SRGAP1: variants seen among roughly 807,000 people sequenced by gnomAD.
The protein encoded by SRGAP1 is SLIT-ROBO Rho GTPase-activating protein 1.
Under a neutral mutation model 121.9 loss-of-function variants are expected in SRGAP1, and 43 were observed. The ratio of observed to expected loss-of-function variants is 0.35; its 90% CI spans 0.28 to 0.46. The LOEUF is 0.46. SRGAP1 is among the 20% of genes least tolerant of loss of function. SRGAP1 has a pLI of 1.00. For synonymous variants in SRGAP1, 447 were observed against 485.4 expected (o/e 0.92, Z 1.04); for missense variants, 1,102 against 1,350.9 (o/e 0.82, Z 2.89).
intron 8 of SRGAP1, among the ~76,000 whole-genome samples, chr12:64,078,646 GT>G (rs1351621693): frequency 6.6e-6 from 1 of 152,168 alleles, no homozygotes; most frequent in African/African-American, 2.4e-5. Context: ...AATTGAAAAT[GT>G]TAAGACAAAA....
rs1301898825 is a variant in SRGAP1, at chr12:64,158,649, GTAGTCCCAGC to G, written c.*15980_*15989del. 2 of 152,020 alleles carry G rather than the reference GTAGTCCCAGC, an allele frequency of 1.3e-5. No homozygotes were observed. Among genetic ancestry groups the G allele is most frequent in the Non-Finnish European group, 2.9e-5 (2 of 68,046 alleles). The allele number at this position is 152,020 out of a possible 1,614,324, so 9.4% of individuals were successfully genotyped here. A position where few individuals can be genotyped will look rare whatever the true frequency, so the allele number is the denominator to read the frequency against. ...TAGCCGGGCATGGTGGCGTGCACCT[GTAGTCCCAGC>G]TACTCGGGAGGCTGAGGCAGAAGTA... On this transcript the variant is annotated 3_prime_UTR_variant, in exon 22 of 22. Transcript: ENST00000355086.
chr12:63,990,056 C>T lies in SRGAP1; in HGVS notation c.410C>T (p.Thr137Ile), dbSNP rs2033511881. 22 of 1,607,066 alleles carry T rather than the reference C, an allele frequency of 1.4e-5. No individual in the cohort carries two copies. Among genetic ancestry groups the T allele is most frequent in the Non-Finnish European group, 1.8e-5 (21 of 1,177,540 alleles). ...MRFMQISEDS[T>I]RMFKKSKEIA... ...TTCATGCAGATAAGTGAGGATTCTA[C>T]CAGGATGTTTAAAAAGGTACACTCC... The change falls in exon 3 of 22, where the codon ACC (threonine) becomes ATC (isoleucine). Residue 137 changes from threonine to isoleucine, a missense_variant. This residue lies in a region of SRGAP1 where 747 missense variants were observed against 929.4 expected (regional missense o/e 0.80). Coordinates refer to ENST00000355086, the MANE Select transcript of SRGAP1 (RefSeq NM_020762.4).
At chr12:64,005,308 A>G (rs889849853) in intron 3 of SRGAP1, among the ~76,000 whole-genome samples, 2 of 152,242 alleles carry the variant, frequency 1.3e-5, no homozygotes, top group Non-Finnish European at 2.9e-5. Flanking sequence ...ACATAGAACC[A>G]TAATTGGCTA....
intron 1 of SRGAP1, among the ~76,000 whole-genome samples, chr12:63,906,969 C>A (rs1161000694): frequency 6.6e-6 from 1 of 151,756 alleles, no homozygotes; most frequent in Non-Finnish European, 1.5e-5. Context: ...TTTTGAGGAA[C>A]TGCCAAACTA....
At chr12:63,958,966 G>A (rs893686728) in intron 1 of SRGAP1, among the ~76,000 whole-genome samples, 2 of 152,118 alleles carry the variant, frequency 1.3e-5, no homozygotes, top group Admixed American at 1.3e-4. Context: ...TCTTGCTCCA[G>A]GGAGGTAATA....
At chr12:63,877,916 A>G (rs1900080222) in intron 1 of SRGAP1, among the ~76,000 whole-genome samples, 1 of 152,238 alleles carries the variant, frequency 6.6e-6, no homozygotes, top group Non-Finnish European at 1.5e-5. Context: ...GCCAATGATG[A>G]TTGCACACAC....
chr12:63,932,017 T>C (rs1669378471), intron 1 of SRGAP1, among the ~76,000 whole-genome samples: 2 of 152,218 alleles, frequency 1.3e-5, no homozygotes, highest in Non-Finnish European at 2.9e-5. Context: ...ATTATCTACC[T>C]GTCCATGTGA....
At chr12:63,916,163 G>T (rs981137384) in intron 1 of SRGAP1, among the ~76,000 whole-genome samples, 3 of 151,178 alleles carry the variant, frequency 2.0e-5, no homozygotes, top group African/African-American at 7.3e-5. Context: ...CTCTCGAGTA[G>T]CTGGGACCAC....
intron 1 of SRGAP1, among the ~76,000 whole-genome samples, chr12:63,953,965 A>G (rs866803742): frequency 1.2e-4 from 19 of 152,298 alleles, no homozygotes; most frequent in Middle Eastern, 3.4e-3. Flanking sequence ...TTCACCGTCA[A>G]TCTTTTTTTG....
chr12:63,881,464 G>T (rs77107366), intron 1 of SRGAP1, among the ~76,000 whole-genome samples: 109 of 152,310 alleles, frequency 7.2e-4, no homozygotes, highest in African/African-American at 2.5e-3. Flanking sequence ...ATAGCATACT[G>T]ACTAAATAGT....
chr12:64,071,413 G>A (rs1216823035), intron 8 of SRGAP1, among the ~76,000 whole-genome samples: 2 of 152,362 alleles, frequency 1.3e-5, no homozygotes, highest in South Asian at 2.1e-4. Flanking sequence ...TGTTCATTCA[G>A]TGAACTTTTT....
At chr12:64,002,676 G>C (rs996917553) in intron 3 of SRGAP1, among the ~76,000 whole-genome samples, 1 of 152,166 alleles carries the variant, frequency 6.6e-6, no homozygotes, top group East Asian at 1.9e-4. Context: ...GTGAGTTCTA[G>C]AGAGGCCACT....
chr12:63,947,492 A>G (rs1183439684), intron 1 of SRGAP1, among the ~76,000 whole-genome samples: 1 of 152,204 alleles, frequency 6.6e-6, no homozygotes, highest in Non-Finnish European at 1.5e-5. Context: ...GTGTTACGAA[A>G]TGGTTTAATT....
intron 8 of SRGAP1, among the ~76,000 whole-genome samples, chr12:64,072,398 G>T (rs987797761): frequency 6.6e-6 from 1 of 151,974 alleles, no homozygotes; most frequent in Non-Finnish European, 1.5e-5. Context: ...ATTTGTGTCC[G>T]CCCTGAAAAT....
intron 1 of SRGAP1, among the ~76,000 whole-genome samples, chr12:63,880,202 C>T (rs111561819): frequency 0.011 from 1,714 of 152,210 alleles, 12 homozygotes; most frequent in Non-Finnish European, 0.018. Context: ...GTGAAGCCTC[C>T]CCAGCCATGT....
chr12:63,902,145 T>A (rs2136307635), intron 1 of SRGAP1, among the ~76,000 whole-genome samples: 1 of 152,282 alleles, frequency 6.6e-6, no homozygotes, highest in South Asian at 2.1e-4. Context: ...TGAAACCCCA[T>A]CGCTATTAAA....
rs1555243845 is a variant in SRGAP1, at chr12:63,949,087, C to CCATATATATACATT, written c.68-34853_68-34852insATACATTCATATAT. Among the ~76,000 whole-genome samples the CCATATATATACATT allele has an allele frequency of 5.9e-3, 538 of 90,620 alleles. 4 individuals carry two copies. Among genetic ancestry groups the CCATATATATACATT allele is most frequent in the East Asian group, 0.011 (25 of 2,246 alleles). 59.5% of individuals were successfully genotyped at this position (90,620 alleles called of 152,430 possible). A position where few individuals can be genotyped will look rare whatever the true frequency, so the allele number is the denominator to read the frequency against. On this transcript the variant is annotated intron_variant, in intron 1 of 21. Transcript: ENST00000355086. ...TATGTATTTTCCATATATGTATTTT[C>CCATATATATACATT]CATATATGTATTTTCCATATATATA...
intron 3 of SRGAP1, among the ~76,000 whole-genome samples, chr12:64,008,683 A>T (rs1264599974): frequency 6.6e-6 from 1 of 152,162 alleles, no homozygotes; most frequent in Non-Finnish European, 1.5e-5. Context: ...TTTCCTAAAC[A>T]CATAGGAGAC....
chr12:64,126,212 T>C, intron 19 of SRGAP1, 55 bp downstream of exon 19: 2 of 1,569,258 alleles, frequency 1.3e-6, no homozygotes, highest in Non-Finnish European at 1.7e-6. Flanking sequence ...ACTCCAGCCA[T>C]TGTTCTTAAA....
Sources: allele counts gnomAD v4.1 joint callset (sites outside exome capture counted in the v4.1 genomes callset), GRCh38; gene constraint gnomAD v4.1.1; regional missense constraint gnomAD v4.1.1; transcripts MANE v1.5; gene names NCBI Gene and HGNC (gene_info 2026-07-23, HGNC 2026-07-21).